NEK7: variants seen among roughly 807,000 people sequenced by gnomAD.
NEK7 encodes serine/threonine-protein kinase Nek7.
Under a neutral mutation model 44.6 loss-of-function variants are expected in NEK7, and 18 were observed. The observed-to-expected ratio is 0.40, with a 90% CI of 0.28 to 0.60. The LOEUF (loss-of-function observed/expected upper bound fraction) is 0.60, where lower values mean the gene tolerates loss of function less well. Among genes scored for constraint, NEK7 ranks in the 20% least tolerant of loss-of-function variants. The pLI is 0.38. For synonymous variants in NEK7, 130 were observed against 121.1 expected, an observed-to-expected ratio of 1.07 and a Z score of -0.48; for missense variants, 256 against 366.5, an observed-to-expected ratio of 0.70 and a Z score of 2.46.
intron 1 of NEK7, among the ~76,000 whole-genome samples, chr1:198,168,213 A>G (rs1253685532): frequency 2.0e-5 from 3 of 152,192 alleles, no homozygotes; most frequent in African/African-American, 7.2e-5. Context: ...GCTAAATGTA[A>G]TATATATGGA....
intron 1 of NEK7, among the ~76,000 whole-genome samples, chr1:198,225,610 C>T (rs1393513702): frequency 1.4e-5 from 2 of 148,124 alleles, no homozygotes; most frequent in Non-Finnish European, 2.9e-5. Context: ...AATTTTTTTC[C>T]ATGAACTGAC....
At chr1:198,165,200 A>G (rs899488581) in intron 1 of NEK7, among the ~76,000 whole-genome samples, 4 of 152,182 alleles carry the variant, frequency 2.6e-5, no homozygotes, top group African/African-American at 9.7e-5. Context: ...GAGGGTTGGA[A>G]TCAACTTCTT....
intron 1 of NEK7, among the ~76,000 whole-genome samples, chr1:198,161,024 C>A (rs957691648): frequency 3.3e-5 from 5 of 152,162 alleles, no homozygotes; most frequent in African/African-American, 1.2e-4. Context: ...TCTTTTTTAA[C>A]CTTTGTCAAA....
chr1:198,242,901 C>T (rs1384395614), intron 2 of NEK7, among the ~76,000 whole-genome samples: 3 of 149,092 alleles, frequency 2.0e-5, no homozygotes, highest in African/African-American at 5.0e-5. Flanking sequence ...AACTTCCGAG[C>T]TCAAGTGATC....
intron 5 of NEK7, among the ~76,000 whole-genome samples, chr1:198,272,615 G>C (rs1653890545): frequency 6.6e-6 from 1 of 151,722 alleles, no homozygotes; most frequent in Non-Finnish European, 1.5e-5. Context: ...CTGACTGACT[G>C]TTCTTTTTAA....
At chr1:198,220,425 T>C (rs950945716) in intron 1 of NEK7, among the ~76,000 whole-genome samples, 3 of 152,090 alleles carry the variant, frequency 2.0e-5, no homozygotes, top group Non-Finnish European at 4.4e-5. Context: ...TTAATGTGTT[T>C]AACTATAAAT....
At chr1:198,280,487 T>A (rs1035977413) in intron 7 of NEK7, among the ~76,000 whole-genome samples, 2 of 152,038 alleles carry the variant, frequency 1.3e-5, no homozygotes, top group Admixed American at 1.3e-4. Context: ...GTCTGAAGGA[T>A]CCAGCATTAT....
At position 198,246,379 on chromosome 1, in the gene NEK7, TG is replaced by T. The variant is rs200885300; in HGVS notation, c.58-6655del. Among the ~76,000 whole-genome samples the T allele has an allele frequency of 6.6e-3, 1,004 of 152,148 alleles. 11 individuals carry two copies. Among genetic ancestry groups the T allele is most frequent in the Non-Finnish European group, 0.011 (721 of 67,994 alleles). On this transcript the variant is annotated intron_variant, in intron 2 of 9. Coordinates refer to ENST00000367385, the MANE Select transcript of NEK7 (RefSeq NM_133494.3). ...CACACTGCCCTTTGAAGAAAGGCCA[TG>T]GGGGGAAAAAGGTGCCGCAAATGGG...
rs891377980 is a variant in NEK7, at chr1:198,319,690, C to T, written c.*168C>T. On this transcript the variant is annotated 3_prime_UTR_variant, in exon 10 of 10. Coordinates refer to ENST00000367385, the MANE Select transcript of NEK7 (RefSeq NM_133494.3). ...ATTTTGTACCAGTCACCTAAATCAC[C>T]TCCTTGCAACCCCCAAATGACTTTG... 1 of 631,154 alleles carries T rather than the reference C, an allele frequency of 1.6e-6. No homozygotes were observed. The highest frequency in any genetic ancestry group is 4.6e-5 in the South Asian group (1 of 21,818). 39.1% of individuals were successfully genotyped at this position (631,154 alleles called of 1,614,324 possible). A position where few individuals can be genotyped will look rare whatever the true frequency, so the allele number is the denominator to read the frequency against.
At chr1:198,259,570 T>G (rs1410051235) in intron 3 of NEK7, among the ~76,000 whole-genome samples, 1 of 152,178 alleles carries the variant, frequency 6.6e-6, no homozygotes, top group Non-Finnish European at 1.5e-5. Context: ...ATTTATGATG[T>G]GTCAAGAATC....
intron 1 of NEK7, among the ~76,000 whole-genome samples, chr1:198,213,502 TC>T (rs1269864465): frequency 6.6e-6 from 1 of 152,174 alleles, no homozygotes; most frequent in East Asian, 1.9e-4. Context: ...TGGACAGCCT[TC>T]CTGGAACACT....
At position 198,315,206 on chromosome 1, in the gene NEK7, C is replaced by T. The variant is rs553576013; in HGVS notation, c.799-4206C>T. On this transcript the variant is annotated intron_variant, in intron 9 of 9. Transcript: ENST00000367385. Reference sequence around the variant, plus strand: ...GGGAGTGACCTGATTTTCCAGGTGCCGTCTGTCACCCCTTTCTTTGACTAG... The same window carrying T: ...GGGAGTGACCTGATTTTCCAGGTGCTGTCTGTCACCCCTTTCTTTGACTAG... 2.6e-5 allele frequency among the ~76,000 whole-genome samples: 4 copies of T among 152,260 alleles called. No individual in the cohort carries two copies. In the South Asian group the frequency reaches 6.2e-4, roughly 24 times the overall value.
chr1:198,167,689 T>C (rs1398307432), intron 1 of NEK7, among the ~76,000 whole-genome samples: 1 of 152,192 alleles, frequency 6.6e-6, no homozygotes, highest in East Asian at 1.9e-4. Flanking sequence ...AAAAGCTCTT[T>C]GCCTTGCCAC....
rs540391092 is a variant in NEK7 at position 198,203,560 on chromosome 1, A to G, written c.-28-28993A>G. ...GCGGACATTGGTATCTATTCCAGAG[A>G]AGGGAAGCTGATTCTGTTGTGACTC... On this transcript the variant is annotated intron_variant, in intron 1 of 9. Coordinates refer to ENST00000367385, the MANE Select transcript of NEK7 (RefSeq NM_133494.3). 1.3e-4 allele frequency among the ~76,000 whole-genome samples: 20 copies of G among 152,348 alleles called. No individual in the cohort carries two copies. In the South Asian group the frequency reaches 3.7e-3, roughly 28 times the overall value.
rs771691578 is a variant in NEK7, at chr1:198,319,414, C to T, written c.801C>T (p.Leu267=). The T allele has an allele frequency of 3.1e-6, 5 of 1,608,184 alleles. No individual in the cohort carries two copies. In the Admixed American group the frequency reaches 5.1e-5, roughly 16 times the overall value. ...PLPSDHYSEE[L]RQLVNMCINP... is the part of the protein sequence containing the mutation. ...TTATTGTTTTTCTTTCTTCACAGCT[C>T]CGACAGTTAGTTAATATGTGCATCA... is the stretch of plus-strand genomic sequence containing the variant. The change falls in exon 10 of 10, where the codon CTC becomes CTT. Residue 267 remains leucine, a splice_region_variant and synonymous_variant. Transcript: ENST00000367385.
At chr1:198,250,794 GT>G (rs1390312062) in intron 2 of NEK7, among the ~76,000 whole-genome samples, 1 of 146,682 alleles carries the variant, frequency 6.8e-6, no homozygotes, top group Non-Finnish European at 1.5e-5. Context: ...AGACAATGGG[GT>G]TTTCTAGATA....
intron 1 of NEK7, among the ~76,000 whole-genome samples, chr1:198,210,893 C>G (rs1665748640): frequency 6.6e-6 from 1 of 150,686 alleles, no homozygotes; most frequent in Admixed American, 6.6e-5. Flanking sequence ...GCTGGGACTA[C>G]AGGCGCCCGC....
intron 3 of NEK7, chr1:198,256,183 T>G (rs1375664141): frequency 3.1e-6 from 3 of 957,662 alleles, no homozygotes; most frequent in East Asian, 3.0e-5. Flanking sequence ...CATTCATTTC[T>G]CTGCTTACAA....
chr1:198,315,177 A>G (rs952772803), intron 9 of NEK7, among the ~76,000 whole-genome samples: 10 of 152,124 alleles, frequency 6.6e-5, no homozygotes, highest in African/African-American at 2.4e-4. Flanking sequence ...CGCAGTATTC[A>G]GGTGGGAGTG....
Sources: allele counts gnomAD v4.1 joint callset (sites outside exome capture counted in the v4.1 genomes callset), GRCh38; gene constraint gnomAD v4.1.1; transcripts MANE v1.5; gene names NCBI Gene and HGNC (gene_info 2026-07-23, HGNC 2026-07-21).